MIS18A: variants seen among roughly 807,000 people sequenced by gnomAD.
MIS18A encodes protein Mis18-alpha.
In MIS18A, 14 loss-of-function variants were observed where a neutral mutation model predicts 25.0. The observed-to-expected ratio is 0.56, with a 90% CI of 0.37 to 0.88. MIS18A has a LOEUF of 0.88. MIS18A is among the 40% of genes least tolerant of loss of function. MIS18A has a pLI of 0.00. For synonymous variants in MIS18A, 134 were observed against 118.6 expected (o/e 1.13, Z -0.84); for missense variants, 292 against 290.8 (o/e 1.00, Z -0.03).
Position 32,279,036 on chromosome 21 carries a change from C to G in MIS18A, c.-22G>C, listed in dbSNP as rs770256234. ...CCATTACCTACAAATCGCCCGCGCC[C>G]CAGAGCGCCATGGGAAAAAAAACCG... On this transcript the variant is annotated 5_prime_UTR_variant, in exon 1 of 5. Coordinates refer to ENST00000290130, the MANE Select transcript of MIS18A (RefSeq NM_018944.3). The G allele has an allele frequency of 1.2e-5, 19 of 1,572,350 alleles. No individual in the cohort carries two copies. The highest frequency in any genetic ancestry group is 1.5e-5 in the Non-Finnish European group (18 of 1,161,364).
the MIS18A span, among the ~76,000 whole-genome samples, chr21:32,194,295 A>G: frequency 1.3e-5 from 2 of 152,030 alleles, no homozygotes; most frequent in African/African-American, 4.8e-5. Context: ...AGAATTCATC[A>G]ATAATTGGAT....
the MIS18A span, among the ~76,000 whole-genome samples, chr21:32,163,045 A>C: frequency 0.015 from 2,336 of 152,286 alleles, 64 homozygotes; most frequent in African/African-American, 0.052. Context: ...GTCCCATCAT[A>C]AACTACCTTA....
chr21:32,237,460 T>A, the MIS18A span, among the ~76,000 whole-genome samples: 1 of 152,248 alleles, frequency 6.6e-6, no homozygotes, highest in African/African-American at 2.4e-5. Flanking sequence ...ATAGTACTAA[T>A]GGCTGCCTTT....
chr21:32,192,535 C>T, the MIS18A span, among the ~76,000 whole-genome samples: 2 of 152,158 alleles, frequency 1.3e-5, no homozygotes, highest in Admixed American at 6.5e-5. Context: ...AGAGACTAGC[C>T]CCCTTTCCAA....
chr21:32,265,947 C>T (rs1423647144), downstream of MIS18A, among the ~76,000 whole-genome samples: 1 of 152,034 alleles, frequency 6.6e-6, no homozygotes, highest in Non-Finnish European at 1.5e-5. Flanking sequence ...GTCTTTATAT[C>T]TAGCTCAGGG....
At chr21:32,166,323 C>T in the MIS18A span, among the ~76,000 whole-genome samples, 8 of 152,250 alleles carry the variant, frequency 5.3e-5, no homozygotes, top group African/African-American at 1.9e-4. Flanking sequence ...ACAAATGTAT[C>T]ACATAATCCA....
At chr21:32,263,691 T>G (rs550394046), downstream of MIS18A, among the ~76,000 whole-genome samples, 2 of 152,306 alleles carry the variant, frequency 1.3e-5, no homozygotes, top group South Asian at 4.1e-4. Flanking sequence ...ATGTTAGGAC[T>G]TGTTCTTTTG....
At chr21:32,180,764 C>T in the MIS18A span, among the ~76,000 whole-genome samples, 31 of 152,310 alleles carry the variant, frequency 2.0e-4, 1 homozygote, top group Non-Finnish European at 3.5e-4. Context: ...GGAGCTTCTC[C>T]CTACGAGCCT....
the MIS18A span, among the ~76,000 whole-genome samples, chr21:32,238,805 C>T: frequency 1.3e-5 from 2 of 152,114 alleles, no homozygotes; most frequent in African/African-American, 4.8e-5. Flanking sequence ...TTGCTGCTGT[C>T]AAGAAGAGGG....
At chr21:32,275,046 G>GT in intron 1 of MIS18A, 150 bp from the exon 2 acceptor site, 1 of 639,790 alleles carries the variant, frequency 1.6e-6, no homozygotes, top group East Asian at 2.8e-5. Flanking sequence ...AAAACTAAAT[G>GT]TACTGGGGTC....
chr21:32,256,175 A>G, the MIS18A span, among the ~76,000 whole-genome samples: 21 of 152,252 alleles, frequency 1.4e-4, no homozygotes, highest in East Asian at 4.1e-3. Context: ...GCTCAAACCT[A>G]AAGAGAATTA....
At chr21:32,265,434 C>A (rs187399863), downstream of MIS18A, among the ~76,000 whole-genome samples, 6 of 152,232 alleles carry the variant, frequency 3.9e-5, no homozygotes, top group Admixed American at 1.3e-4. Context: ...AGCAGCCAGC[C>A]AGCCCTGCTG....
chr21:32,239,194 T>C, the MIS18A span, among the ~76,000 whole-genome samples: 4 of 152,216 alleles, frequency 2.6e-5, no homozygotes, highest in African/African-American at 9.6e-5. Context: ...TTAAGCTTTT[T>C]CATCCCCAAG....
the MIS18A span, among the ~76,000 whole-genome samples, chr21:32,161,549 T>G: frequency 6.6e-6 from 1 of 151,810 alleles, no homozygotes; most frequent in African/African-American, 2.4e-5. Context: ...TGGAGTGCAG[T>G]GGCGTGATCT....
chr21:32,185,591 A>G, the MIS18A span, among the ~76,000 whole-genome samples: 2,319 of 152,232 alleles, frequency 0.015, 34 homozygotes, highest in Non-Finnish European at 0.019. Context: ...TTCATTCTCA[A>G]TTAGTGTAGA....
At chr21:32,195,400 C>T in the MIS18A span, among the ~76,000 whole-genome samples, 2 of 152,186 alleles carry the variant, frequency 1.3e-5, no homozygotes, top group Non-Finnish European at 2.9e-5. Flanking sequence ...GTTCGCACAC[C>T]TCCTGAATTC....
downstream of MIS18A, among the ~76,000 whole-genome samples, chr21:32,267,810 T>C (rs1330758654): frequency 6.6e-6 from 1 of 152,208 alleles, no homozygotes; most frequent in Non-Finnish European, 1.5e-5. Flanking sequence ...CCAGCGGGTG[T>C]TGACGTTTGC....
the MIS18A span, among the ~76,000 whole-genome samples, chr21:32,197,350 C>T: frequency 9.1e-6 from 1 of 110,084 alleles, no homozygotes; most frequent in Non-Finnish European, 2.1e-5. Context: ...CCTACCCACC[C>T]ACGTGGGGCT....
the MIS18A span, among the ~76,000 whole-genome samples, chr21:32,170,771 G>T: frequency 1.3e-5 from 2 of 151,858 alleles, no homozygotes; most frequent in African/African-American, 4.8e-5. Flanking sequence ...GCATATAAAA[G>T]GATTATACAT....
Sources: allele counts gnomAD v4.1 joint callset (sites outside exome capture counted in the v4.1 genomes callset), GRCh38; gene constraint gnomAD v4.1.1; transcripts MANE v1.5; gene names NCBI Gene and HGNC (gene_info 2026-07-23, HGNC 2026-07-21).